Variants in CALM3 observed in about 807,000 individuals in gnomAD.
The protein encoded by CALM3 is calmodulin 3.
In CALM3, 5 loss-of-function variants were observed where a neutral mutation model predicts 20.1. The observed-to-expected ratio is 0.25, with a 90% confidence interval of 0.13 to 0.52. The LOEUF is 0.52. CALM3 is among the 20% of genes least tolerant of loss of function. The pLI, the probability that CALM3 is intolerant of heterozygous loss-of-function variation, is 0.96. For missense variants in CALM3, 57 were observed against 192.8 expected (o/e 0.30, Z 4.17); for synonymous variants, 69 against 68.1 (o/e 1.01, Z -0.06).
Position 46,601,622 on chromosome 19 carries a change from G to A in CALM3, c.3+185G>A. Among the ~76,000 whole-genome samples, 1 of 152,226 alleles carries A rather than the reference G, an allele frequency of 6.6e-6. No individual in the cohort carries two copies. The highest frequency in any genetic ancestry group is 1.9e-4 in the East Asian group (1 of 5,188). ...AGAGCGGGACGTCTGGATCACCAGA[G>A]GTTTCCAGAAGCGACTTTAGCACCA... is the stretch of plus-strand genomic sequence containing the variant. On this transcript the variant is annotated intron_variant, in intron 1 of 5. Transcript: ENST00000291295. The surrounding 1 kb of genome is among the most constrained non-coding windows in gnomAD (Gnocchi z 4.2).
Position 46,601,981 on chromosome 19 carries a change from A to G in CALM3, c.3+544A>G. 2 of 690,230 alleles carry G rather than the reference A, an allele frequency of 2.9e-6. No homozygotes were observed. Among genetic ancestry groups the G allele is most frequent in the South Asian group, 3.4e-5 (2 of 58,198 alleles). 42.8% of individuals were successfully genotyped at this position (690,230 alleles called of 1,614,324 possible). A position where few individuals can be genotyped will look rare whatever the true frequency, so the allele number is the denominator to read the frequency against. On this transcript the variant is annotated intron_variant, in intron 1 of 5. Coordinates refer to ENST00000291295, the MANE Select transcript of CALM3 (RefSeq NM_005184.4). The surrounding 1 kb of genome is among the most constrained non-coding windows in gnomAD (Gnocchi z 4.2). ...GGCGACCCCTGGGCTCCTGTGGAGC[A>G]GAGGAGAGGGTCAAGGATGGGCGGT...
chr19:46,609,071 G>C, intron 5 of CALM3, 54 bp from the exon 6 acceptor site: 1 of 1,612,600 alleles, frequency 6.2e-7, no homozygotes, highest in Non-Finnish European at 8.5e-7. Context: ...GGGGAGGGCC[G>C]CTCGCCACTT....
In CALM3 at chr19:46,609,222, C is replaced by A; in HGVS notation, c.*69C>A. The A allele has an allele frequency of 7.0e-7, 1 of 1,422,996 alleles. No homozygotes were observed. Among genetic ancestry groups the A allele is most frequent in the Non-Finnish European group, 9.8e-7 (1 of 1,016,176 alleles). 88.1% of individuals were successfully genotyped at this position (1,422,996 alleles called of 1,614,324 possible). On this transcript the variant is annotated 3_prime_UTR_variant, in exon 6 of 6. Coordinates refer to ENST00000291295, the MANE Select transcript of CALM3 (RefSeq NM_005184.4). ...TCTTCTCGCGCGCGCACTCTCTCTT[C>A]AACACTCCCCTGCGTACCCCGGTTC...
chr19:46,604,370 A>C (rs1971696680), intron 1 of CALM3, among the ~76,000 whole-genome samples: 1 of 151,840 alleles, frequency 6.6e-6, no homozygotes, highest in Non-Finnish European at 1.5e-5. Context: ...ATGCAGAAGA[A>C]TCTTCATTTG....
At chr19:46,602,241 A>G in intron 1 of CALM3, 1 of 1,342,080 alleles carries the variant, frequency 7.5e-7, no homozygotes, top group Admixed American at 2.1e-5. Flanking sequence ...TAGTCGGGGG[A>G]CAGGGACCCT....
chr19:46,601,573 G>A lies in CALM3; in HGVS notation c.3+136G>A. ...AGAGCCTCGGGACCCTTTTCTACCC[G>A]CGTTGTCGGGGGCTGTTGAACCCAG... On this transcript the variant is annotated intron_variant, in intron 1 of 5. Transcript: ENST00000291295. The surrounding 1 kb of genome is among the most constrained non-coding windows in gnomAD (Gnocchi z 4.2). The A allele has an allele frequency of 1.2e-6, 1 of 829,682 alleles. No homozygotes were observed. Among genetic ancestry groups the A allele is most frequent in the Non-Finnish European group, 1.7e-6 (1 of 594,040 alleles). The allele number at this position is 829,682 out of a possible 1,614,324, so 51.4% of individuals were successfully genotyped here. A position where few individuals can be genotyped will look rare whatever the true frequency, so the allele number is the denominator to read the frequency against.
At position 46,605,933 on chromosome 19, in the gene CALM3, G is replaced by A. The variant is rs541090118; in HGVS notation, c.34+76G>A. 2.3e-6 allele frequency: 3 copies of A among 1,294,368 alleles called. No individual in the cohort carries two copies. Among genetic ancestry groups the A allele is most frequent in the African/African-American group, 1.5e-5 (1 of 68,768 alleles). 80.2% of individuals were successfully genotyped at this position (1,294,368 alleles called of 1,614,324 possible). A position where few individuals can be genotyped will look rare whatever the true frequency, so the allele number is the denominator to read the frequency against. On this transcript the variant is annotated intron_variant, in intron 2 of 5. Coordinates refer to ENST00000291295, the MANE Select transcript of CALM3 (RefSeq NM_005184.4). This position sits in a 1 kb window ranked among gnomAD's most constrained non-coding sequence, Gnocchi z 4.1. The stretch of plus-strand genomic sequence containing the variant: ...AGCCAAATCTTAGCCACTGAGGAGT[G>A]ACATCTGATGGGTGAACCTGTGTAT...
Position 46,609,542 on chromosome 19 carries a change from G to T in CALM3, c.*389G>T. On this transcript the variant is annotated 3_prime_UTR_variant, in exon 6 of 6. Transcript: ENST00000291295. ...ATTTTGGGTGCTGGGGTGGCTGCCA[G>T]CCCTGTCCCGGGACCTGCTGGGAGG... 4.0e-6 allele frequency: 1 copy of T among 247,088 alleles called. No individual in the cohort carries two copies. The highest frequency in any genetic ancestry group is 7.9e-6 in the Non-Finnish European group (1 of 126,308). The allele number at this position is 247,088 out of a possible 1,614,324, so 15.3% of individuals were successfully genotyped here. A position where few individuals can be genotyped will look rare whatever the true frequency, so the allele number is the denominator to read the frequency against.
intron 1 of CALM3, among the ~76,000 whole-genome samples, chr19:46,604,334 C>T (rs1971695818): frequency 6.6e-6 from 1 of 152,058 alleles, no homozygotes; most frequent in African/African-American, 2.4e-5. Context: ...TTTAGAAGCC[C>T]AACCACCCTG....
chr19:46,601,188 G>C (rs528489574), upstream of CALM3: 151 of 424,246 alleles, frequency 3.6e-4, no homozygotes, highest in African/African-American at 3.0e-3. This position sits in a 1 kb window ranked among gnomAD's most constrained non-coding sequence, Gnocchi z 4.2. Flanking sequence ...TGTGGAGCGG[G>C]GCGCGGAGGG....
intron 1 of CALM3, chr19:46,602,464 C>G: frequency 6.1e-6 from 1 of 164,636 alleles, no homozygotes; most frequent in South Asian, 6.6e-5. Context: ...GTCAGGGGGG[C>G]CTAGGTTTGG....
Position 46,609,341 on chromosome 19 carries a change from C to T in CALM3, c.*188C>T. On this transcript the variant is annotated 3_prime_UTR_variant, in exon 6 of 6. Coordinates refer to ENST00000291295, the MANE Select transcript of CALM3 (RefSeq NM_005184.4). The stretch of plus-strand genomic sequence containing the variant: ...TGCTCTTTCTCCTTCTTCCCTGAGT[C>T]TCTCTCCATGCCCCTCATCTCTTCC... 1.5e-6 allele frequency: 1 copy of T among 650,100 alleles called. No individual in the cohort carries two copies. The highest frequency in any genetic ancestry group is 2.3e-5 in the Admixed American group (1 of 43,032). The allele number at this position is 650,100 out of a possible 1,614,324, so 40.3% of individuals were successfully genotyped here. A position where few individuals can be genotyped will look rare whatever the true frequency, so the allele number is the denominator to read the frequency against.
Position 46,609,303 on chromosome 19 carries a change from C to A in CALM3, c.*150C>A. The A allele has an allele frequency of 4.0e-6, 3 of 749,316 alleles. No individual in the cohort carries two copies. Among genetic ancestry groups the A allele is most frequent in the Non-Finnish European group, 6.8e-6 (3 of 438,690 alleles). The allele number at this position is 749,316 out of a possible 1,614,324, so 46.4% of individuals were successfully genotyped here. A position where few individuals can be genotyped will look rare whatever the true frequency, so the allele number is the denominator to read the frequency against. ...TGATAAAGCAACAAAAGATTTGTCC[C>A]AAGCTGCATGATTGCTCTTTCTCCT... On this transcript the variant is annotated 3_prime_UTR_variant, in exon 6 of 6. Coordinates refer to ENST00000291295, the MANE Select transcript of CALM3 (RefSeq NM_005184.4).
At chr19:46,601,185 C>A, upstream of CALM3, 1 of 437,482 alleles carries the variant, frequency 2.3e-6, no homozygotes, top group Non-Finnish European at 3.9e-6. This position sits in a 1 kb window ranked among gnomAD's most constrained non-coding sequence, Gnocchi z 4.2. Flanking sequence ...AGGTGTGGAG[C>A]GGGGCGCGGA....
rs773148973 is a variant in CALM3, at chr19:46,608,840, C to T, written c.286-6C>T. The T allele has an allele frequency of 1.3e-6, 2 of 1,544,656 alleles. No individual in the cohort carries two copies. Among genetic ancestry groups the T allele is most frequent in the African/African-American group, 1.4e-5 (1 of 72,840 alleles). On this transcript the variant is annotated splice_polypyrimidine_tract_variant and splice_region_variant and intron_variant, in intron 4 of 5. Coordinates refer to ENST00000291295, the MANE Select transcript of CALM3 (RefSeq NM_005184.4). This position sits in a 1 kb window ranked among gnomAD's most constrained non-coding sequence, Gnocchi z 5.5. ...CCCAGTGAAAGGCTTTATCCCCAAC[C>T]CCCAGGATGGGAATGGCTACATCAG... is the stretch of plus-strand genomic sequence containing the variant.
At position 46,605,433 on chromosome 19, in the gene CALM3, T is replaced by G. The variant is rs1432370213; in HGVS notation, c.4-394T>G. The stretch of plus-strand genomic sequence containing the variant: ...CCTCCAGGGCAATCGTTCCCTTCAC[T>G]CGGCCTCTGGGGCTCTCACTGATGA... On this transcript the variant is annotated intron_variant, in intron 1 of 5. Coordinates refer to ENST00000291295, the MANE Select transcript of CALM3 (RefSeq NM_005184.4). The surrounding 1 kb of genome is among the most constrained non-coding windows in gnomAD (Gnocchi z 4.1). The G allele has an allele frequency of 3.4e-5, 7 of 208,438 alleles. No individual in the cohort carries two copies. Among genetic ancestry groups the G allele is most frequent in the Non-Finnish European group, 1.9e-5 (2 of 103,180 alleles). The allele number at this position is 208,438 out of a possible 1,614,324, so 12.9% of individuals were successfully genotyped here. A position where few individuals can be genotyped will look rare whatever the true frequency, so the allele number is the denominator to read the frequency against.
Position 46,605,935 on chromosome 19 carries a change from C to A in CALM3, c.34+78C>A, listed in dbSNP as rs1237955399. ...CCAAATCTTAGCCACTGAGGAGTGA[C>A]ATCTGATGGGTGAACCTGTGTATCC... On this transcript the variant is annotated intron_variant, in intron 2 of 5. Coordinates refer to ENST00000291295, the MANE Select transcript of CALM3 (RefSeq NM_005184.4). The surrounding 1 kb of genome is among the most constrained non-coding windows in gnomAD (Gnocchi z 4.1). The A allele has an allele frequency of 3.9e-6, 5 of 1,284,578 alleles. No individual in the cohort carries two copies. Among genetic ancestry groups the A allele is most frequent in the Non-Finnish European group, 5.7e-6 (5 of 881,332 alleles). The allele number at this position is 1,284,578 out of a possible 1,614,324, so 79.6% of individuals were successfully genotyped here.
chr19:46,604,125 C>T (rs2122224636), intron 1 of CALM3, among the ~76,000 whole-genome samples: 1 of 152,258 alleles, frequency 6.6e-6, no homozygotes, highest in African/African-American at 2.4e-5. Flanking sequence ...CTGCTGCCCT[C>T]CTCTCTGTTC....
Position 46,601,828 on chromosome 19 carries a change from G to T in CALM3, c.3+391G>T, listed in dbSNP as rs1015432847. Among the ~76,000 whole-genome samples, 6 of 152,092 alleles carry T rather than the reference G, an allele frequency of 3.9e-5. No homozygotes were observed. Among genetic ancestry groups the T allele is most frequent in the Admixed American group, 1.3e-4 (2 of 15,272 alleles). ...GGGACGAAATAAGAAAGATGGGCTG[G>T]GGAGGGGAGCTATTCGGGCCCTGAT... On this transcript the variant is annotated intron_variant, in intron 1 of 5. Coordinates refer to ENST00000291295, the MANE Select transcript of CALM3 (RefSeq NM_005184.4). This position sits in a 1 kb window ranked among gnomAD's most constrained non-coding sequence, Gnocchi z 4.2.
Sources: gnomAD v4.1 joint callset for allele counts (sites outside exome capture counted in the v4.1 genomes callset) on GRCh38, gnomAD v4.1.1 for gene constraint, Gnocchi (gnomAD v3.1) non-coding constraint, MANE v1.5 for transcripts, NCBI Gene and HGNC (gene_info 2026-07-23, HGNC 2026-07-21) for gene names.